The following TAFA2 variants were observed in gnomAD, a reference collection of about 807,000 sequenced individuals.
TAFA2 encodes TAFA chemokine like family member 2.
TAFA2 carries 7 observed loss-of-function variants against 18.8 expected under a neutral mutation model. The ratio of observed to expected loss-of-function variants is 0.37; its 90% CI spans 0.21 to 0.70. The LOEUF (loss-of-function observed/expected upper bound fraction) is 0.70, where lower values mean the gene tolerates loss of function less well. TAFA2 is among the 30% of genes least tolerant of loss of function. The pLI, the probability that TAFA2 is intolerant of heterozygous loss-of-function variation, is 0.53. For synonymous variants in TAFA2, 60 were observed against 54.2 expected (o/e 1.11, Z -0.47); for missense variants, 122 against 158.1 (o/e 0.77, Z 1.23).
intron 1 of TAFA2, among the ~76,000 whole-genome samples, chr12:61,869,251 T>G (rs1241973772): frequency 1.3e-5 from 2 of 152,204 alleles, no homozygotes; most frequent in South Asian, 4.1e-4. Flanking sequence ...GCTGACTATG[T>G]GACTTTGAAC....
chr12:61,711,299 A>G (rs998275100), intron 4 of TAFA2, among the ~76,000 whole-genome samples: 1 of 151,744 alleles, frequency 6.6e-6, no homozygotes, highest in Non-Finnish European at 1.5e-5. Flanking sequence ...TGAGAGAGAG[A>G]GAGGATAGAG....
chr12:62,148,637 C>T, intron 1 of TAFA2, among the ~76,000 whole-genome samples: 1 of 152,156 alleles, frequency 6.6e-6, no homozygotes, highest in East Asian at 1.9e-4. Flanking sequence ...AGCCCAAACC[C>T]CAGCATCACT....
At chr12:62,040,808 T>C (rs1426387149) in intron 1 of TAFA2, among the ~76,000 whole-genome samples, 1 of 152,164 alleles carries the variant, frequency 6.6e-6, no homozygotes, top group Non-Finnish European at 1.5e-5. Context: ...AGGAGTGCTA[T>C]ACCATAGGAC....
intron 1 of TAFA2, among the ~76,000 whole-genome samples, chr12:62,022,646 C>A (rs931024802): frequency 1.3e-5 from 2 of 149,884 alleles, no homozygotes; most frequent in Non-Finnish European, 3.0e-5. Flanking sequence ...TTAGATTTAA[C>A]CCTTTTCTGG....
intron 1 of TAFA2, among the ~76,000 whole-genome samples, chr12:62,146,613 T>C (rs2062283477): frequency 6.6e-6 from 1 of 152,164 alleles, no homozygotes; most frequent in South Asian, 2.1e-4. Flanking sequence ...ACGATGGCTC[T>C]CTTAAGAATG....
At chr12:62,044,952 G>A (rs574000091) in intron 1 of TAFA2, among the ~76,000 whole-genome samples, 1 of 152,126 alleles carries the variant, frequency 6.6e-6, no homozygotes, top group South Asian at 2.1e-4. Context: ...GTGTTCCTTG[G>A]GCCCTTGGAA....
chr12:61,971,660 T>C (rs1016133874), intron 1 of TAFA2, among the ~76,000 whole-genome samples: 13 of 151,328 alleles, frequency 8.6e-5, no homozygotes, highest in Non-Finnish European at 2.9e-5. Context: ...CACTCATAAG[T>C]GGGAGTTGAA....
intron 2 of TAFA2, among the ~76,000 whole-genome samples, chr12:61,859,853 T>C (rs914458417): frequency 2.0e-5 from 3 of 152,224 alleles, no homozygotes; most frequent in Non-Finnish European, 2.9e-5. Flanking sequence ...TTCTAATTAC[T>C]GTCCTGGTTG....
At chr12:62,105,222 C>T (rs145095682) in intron 1 of TAFA2, among the ~76,000 whole-genome samples, 90 of 152,106 alleles carry the variant, frequency 5.9e-4, no homozygotes, top group African/African-American at 2.1e-3. Flanking sequence ...ACAAAAAGAA[C>T]AAAATGAAAA....
At chr12:62,174,143 A>T (rs2062496503) in intron 1 of TAFA2, among the ~76,000 whole-genome samples, 1 of 152,090 alleles carries the variant, frequency 6.6e-6, no homozygotes, top group South Asian at 2.1e-4. Context: ...AAATACAAAA[A>T]TTAGCCGGTG....
chr12:62,024,110 G>T (rs1881236783), intron 1 of TAFA2, among the ~76,000 whole-genome samples: 1 of 152,050 alleles, frequency 6.6e-6, no homozygotes, highest in Non-Finnish European at 1.5e-5. Flanking sequence ...GATATTTTCT[G>T]CATCAGGCAG....
chr12:62,066,707 A>T, intron 1 of TAFA2, among the ~76,000 whole-genome samples: 1 of 151,932 alleles, frequency 6.6e-6, no homozygotes, highest in East Asian at 1.9e-4. Context: ...TTCTTTATCC[A>T]TTCATCTATT....
chr12:62,225,025 C>T (rs1472931272), intron 1 of TAFA2, among the ~76,000 whole-genome samples: 1 of 151,788 alleles, frequency 6.6e-6, no homozygotes, highest in Non-Finnish European at 1.5e-5. Flanking sequence ...ACCCAGGAGG[C>T]GGAGGTTACA....
chr12:61,759,978 C>A (rs1197372056), intron 2 of TAFA2, among the ~76,000 whole-genome samples: 3 of 150,224 alleles, frequency 2.0e-5, no homozygotes, highest in African/African-American at 7.3e-5. Flanking sequence ...TGCCCTCCTT[C>A]AGAGAGCATG....
intron 1 of TAFA2, among the ~76,000 whole-genome samples, chr12:61,978,305 T>C (rs1383873957): frequency 6.6e-6 from 1 of 152,100 alleles, no homozygotes; most frequent in African/African-American, 2.4e-5. Context: ...TATAAATATC[T>C]TCTAAAATAA....
chr12:61,775,420 T>G (rs1324563134), intron 2 of TAFA2, among the ~76,000 whole-genome samples: 3 of 151,672 alleles, frequency 2.0e-5, no homozygotes, highest in Non-Finnish European at 2.9e-5. Flanking sequence ...AACAGATGAA[T>G]AGATAAACTG....
intron 1 of TAFA2, among the ~76,000 whole-genome samples, chr12:61,885,595 C>T (rs1875340094): frequency 1.3e-5 from 2 of 152,182 alleles, no homozygotes; most frequent in Admixed American, 1.3e-4. Flanking sequence ...CCTCAGTTCA[C>T]CTTTGCTGTT....
chr12:61,905,161 C>A (rs141346885), intron 1 of TAFA2, among the ~76,000 whole-genome samples: 12 of 151,806 alleles, frequency 7.9e-5, no homozygotes, highest in South Asian at 4.2e-4. Flanking sequence ...ATGCCAAATT[C>A]AGTAGTACAT....
chr12:61,974,958 T>C (rs566019921), intron 1 of TAFA2, among the ~76,000 whole-genome samples: 2 of 151,900 alleles, frequency 1.3e-5, no homozygotes, highest in African/African-American at 4.8e-5. Flanking sequence ...TTTATCCAAT[T>C]ACTTTGGGAT....
Sources: allele counts gnomAD v4.1 joint callset (sites outside exome capture counted in the v4.1 genomes callset), GRCh38; gene constraint gnomAD v4.1.1; transcripts MANE v1.5; gene names NCBI Gene and HGNC (gene_info 2026-07-23, HGNC 2026-07-21).